MTCL1: variants seen among roughly 807,000 people sequenced by gnomAD.
MTCL1 encodes the protein microtubule cross-linking factor 1.
In MTCL1, 79 loss-of-function variants were observed where a neutral mutation model predicts 141.4. That is an observed-to-expected ratio of 0.56 (90% confidence interval 0.47 to 0.67). The LOEUF is 0.67. Ranked by LOEUF, MTCL1 falls within the 30% of genes least tolerant of loss-of-function variation. MTCL1 has a pLI of 0.00. For synonymous variants in MTCL1, 914 were observed against 875.8 expected, an observed-to-expected ratio of 1.04 and a Z score of -0.77; for missense variants, 2,177 against 2,113.9, an observed-to-expected ratio of 1.03 and a Z score of -0.59.
chr18:8,720,592 G>A (rs1284114288), intron 4 of MTCL1, 96 bp downstream of exon 3: 6 of 1,293,980 alleles, frequency 4.6e-6, no homozygotes, highest in Non-Finnish European at 6.3e-6. Flanking sequence ...GAAAGCTGGG[G>A]TTGGCAAATC....
At chr18:8,760,656 CCTTT>C (rs2096427425) in intron 4 of MTCL1, among the ~76,000 whole-genome samples, 3 of 152,228 alleles carry the variant, frequency 2.0e-5, no homozygotes, top group East Asian at 1.9e-4. Context: ...TTTCTTTACT[CCTTT>C]CTTTCTTTTT....
chr18:8,790,680 A>G (rs1260703824), intron 7 of MTCL1, among the ~76,000 whole-genome samples: 1 of 152,208 alleles, frequency 6.6e-6, no homozygotes, highest in Non-Finnish European at 1.5e-5. Flanking sequence ...ATTCCCAGGA[A>G]ATTTAGGGGA....
At chr18:8,723,783 A>T (rs12454629) in intron 4 of MTCL1, among the ~76,000 whole-genome samples, 1 of 151,782 alleles carries the variant, frequency 6.6e-6, no homozygotes, top group Non-Finnish European at 1.5e-5. Flanking sequence ...TCCCTTCTTC[A>T]GCCACTTGCT....
intron 4 of MTCL1, among the ~76,000 whole-genome samples, chr18:8,746,939 A>AT: frequency 6.6e-6 from 1 of 152,336 alleles, no homozygotes; most frequent in East Asian, 1.9e-4. Flanking sequence ...GGGACAGGGA[A>AT]GCCCATTTAA....
chr18:8,759,928 A>G (rs2096422184), intron 4 of MTCL1, among the ~76,000 whole-genome samples: 2 of 150,354 alleles, frequency 1.3e-5, no homozygotes, highest in Admixed American at 1.3e-4. Flanking sequence ...GCTCATGCTC[A>G]TGGGGCCTTG....
chr18:8,807,612 A>C (rs1454902921), intron 11 of MTCL1, among the ~76,000 whole-genome samples: 1 of 152,218 alleles, frequency 6.6e-6, no homozygotes, highest in Non-Finnish European at 1.5e-5. Context: ...TAGGGCAGGA[A>C]GAGAGCCCGG....
At chr18:8,761,496 A>G (rs112927581) in intron 4 of MTCL1, among the ~76,000 whole-genome samples, 154 of 151,304 alleles carry the variant, frequency 1.0e-3, no homozygotes, top group African/African-American at 3.7e-3. Context: ...ATAATCCCTC[A>G]CTCCCCTCCT....
chr18:8,816,048 C>T (rs774881873), intron 12 of MTCL1, among the ~76,000 whole-genome samples: 4 of 152,154 alleles, frequency 2.6e-5, no homozygotes, highest in Non-Finnish European at 5.9e-5. Context: ...AATCTCAGTG[C>T]CCCATCCGGA....
At chr18:8,714,313 T>C (rs1204629385), upstream of MTCL1, among the ~76,000 whole-genome samples, 1 of 152,148 alleles carries the variant, frequency 6.6e-6, no homozygotes, top group Non-Finnish European at 1.5e-5. Context: ...ACAGGGTTAT[T>C]GTAGGGTTAG....
intron 4 of MTCL1, among the ~76,000 whole-genome samples, chr18:8,762,826 G>A (rs1251592762): frequency 1.3e-5 from 2 of 152,188 alleles, no homozygotes; most frequent in African/African-American, 2.4e-5. Context: ...GGATAGGGCG[G>A]GAAGGAGGAG....
intron 4 of MTCL1, among the ~76,000 whole-genome samples, chr18:8,762,050 A>T (rs940583006): frequency 2.0e-5 from 3 of 152,230 alleles, no homozygotes; most frequent in African/African-American, 7.2e-5. Context: ...CATGGTACAT[A>T]CTGATCATGT....
At chr18:8,760,605 T>A (rs920319664) in intron 4 of MTCL1, among the ~76,000 whole-genome samples, 3 of 152,252 alleles carry the variant, frequency 2.0e-5, no homozygotes, top group African/African-American at 7.2e-5. Context: ...AGTGTTTTCC[T>A]TTTCTTCATT....
intron 4 of MTCL1, among the ~76,000 whole-genome samples, chr18:8,773,138 A>G (rs1598590507): frequency 1.3e-5 from 2 of 152,164 alleles, no homozygotes; most frequent in African/African-American, 4.8e-5. Flanking sequence ...GAGTATTCTC[A>G]TTTATAAATC....
chr18:8,749,685 C>T (rs1407728264), intron 4 of MTCL1, among the ~76,000 whole-genome samples: 2 of 152,178 alleles, frequency 1.3e-5, no homozygotes, highest in Non-Finnish European at 2.9e-5. Flanking sequence ...CTGTAAATAC[C>T]TGTAAGCACA....
At chr18:8,788,308 C>T (rs1233030001) in intron 7 of MTCL1, among the ~76,000 whole-genome samples, 4 of 152,214 alleles carry the variant, frequency 2.6e-5, no homozygotes, top group African/African-American at 9.7e-5. Context: ...AACCACGACT[C>T]TACCTGTGTG....
chr18:8,800,538 T>C (rs936174699), intron 10 of MTCL1: 2 of 152,234 alleles, frequency 1.3e-5, no homozygotes, highest in African/African-American at 4.8e-5. Flanking sequence ...TGTTTCCCTG[T>C]CTTCAGCCAC....
intron 5 of MTCL1, among the ~76,000 whole-genome samples, chr18:8,783,095 C>T (rs1317113854): frequency 2.0e-5 from 3 of 152,200 alleles, no homozygotes; most frequent in Admixed American, 6.5e-5. Flanking sequence ...CCCTGTCTGC[C>T]TGCACCAGGC....
intron 6 of MTCL1, among the ~76,000 whole-genome samples, chr18:8,785,050 T>G (rs2096547123): frequency 6.6e-6 from 1 of 151,820 alleles, no homozygotes; most frequent in East Asian, 1.9e-4. Context: ...TCTCTTGTAT[T>G]GCCTTGTTTC....
intron 12 of MTCL1, among the ~76,000 whole-genome samples, chr18:8,816,386 C>T (rs916202378): frequency 6.6e-6 from 1 of 152,216 alleles, no homozygotes; most frequent in Non-Finnish European, 1.5e-5. Context: ...CATTAAATTC[C>T]TACATAATTT....
Sources: allele counts gnomAD v4.1 joint callset (sites outside exome capture counted in the v4.1 genomes callset), GRCh38; gene constraint gnomAD v4.1.1; transcripts MANE v1.5; gene names NCBI Gene and HGNC (gene_info 2026-07-23, HGNC 2026-07-21).